The following ATP2B2 variants were observed in gnomAD, a reference collection of about 807,000 sequenced individuals.
ATP2B2 encodes the protein ATPase plasma membrane Ca2+ transporting 2.
In ATP2B2, 15 loss-of-function variants were observed where a neutral mutation model predicts 120.0. That is an observed-to-expected ratio of 0.12 (90% CI 0.08 to 0.19). The LOEUF (loss-of-function observed/expected upper bound fraction) is 0.19, where lower values mean the gene tolerates loss of function less well. ATP2B2 is among the 10% of genes least tolerant of loss of function. The probability of loss-of-function intolerance (pLI) is 1.00; values close to 1 mark genes in which losing one functional copy is unlikely to be tolerated. For missense variants in ATP2B2, 1,045 were observed against 1,719.8 expected, an observed-to-expected ratio of 0.61 and a Z score of 6.94; for synonymous variants, 694 against 700.3, an observed-to-expected ratio of 0.99 and a Z score of 0.14.
rs576733763 is a variant in ATP2B2 at position 10,412,733 on chromosome 3, C to CT, written c.200-1919dup. 5.3e-5 allele frequency among the ~76,000 whole-genome samples: 8 copies of CT among 152,312 alleles called. No homozygotes were observed. In the South Asian group the frequency reaches 1.7e-3, roughly 32 times the overall value. ...CAGTCTGATTCCTGTCCCTCAGGGC[C>CT]TGGCACCTGAAGCCTTACAATTGTC... On this transcript the variant is annotated intron_variant, in intron 2 of 22. Transcript: ENST00000360273.
chr3:10,357,389 C>T (rs1391287482), intron 14 of ATP2B2, among the ~76,000 whole-genome samples: 1 of 152,170 alleles, frequency 6.6e-6, no homozygotes, highest in Non-Finnish European at 1.5e-5. Flanking sequence ...TCTGAGCTCA[C>T]ACTTTGAACC....
At chr3:10,530,439 C>T (rs908769655) in intron 3 of ATP2B2, among the ~76,000 whole-genome samples, 19 of 152,198 alleles carry the variant, frequency 1.2e-4, no homozygotes, top group Non-Finnish European at 1.8e-4. Context: ...AGTGTCCCAC[C>T]GCACCACGCT....
chr3:10,486,328 T>TGTGCGTGTGC (rs149290932), intron 1 of ATP2B2, among the ~76,000 whole-genome samples: 2 of 115,582 alleles, frequency 1.7e-5, no homozygotes, highest in Admixed American at 8.5e-5. Context: ...TGCGTGCGTG[T>TGTGCGTGTGC]GTGTGTGTGT....
In ATP2B2 at chr3:10,444,469, GCTCT is replaced by G. The variant is rs2063770558; in HGVS notation, c.199+4872_199+4875del. ...AAGTACCCGCCATCTCCCATGATCT[GCTCT>G]CTCGTCCTCCCTCAGCCCCGCTCTC... On this transcript the variant is annotated intron_variant, in intron 2 of 22. Transcript: ENST00000360273. Among the ~76,000 whole-genome samples, 4 of 152,298 alleles carry G rather than the reference GCTCT, an allele frequency of 2.6e-5. No individual in the cohort carries two copies. In the South Asian group the frequency reaches 8.3e-4, roughly 32 times the overall value.
In ATP2B2 at chr3:10,375,854, A is replaced by T. The variant is rs891898246; in HGVS notation, c.1202-210T>A. 2.6e-5 allele frequency among the ~76,000 whole-genome samples: 4 copies of T among 152,152 alleles called. No individual in the cohort carries two copies. The highest frequency in any genetic ancestry group is 9.6e-5 in the African/African-American group (4 of 41,454). On this transcript the variant is annotated intron_variant, in intron 10 of 22. Coordinates refer to ENST00000360273, the MANE Select transcript of ATP2B2 (RefSeq NM_001001331.4). The surrounding 1 kb of genome is among the most constrained non-coding windows in gnomAD (Gnocchi z 4.2). ...CTCCTGCTCTGTACAATGGGGATGC[A>T]TACTTCCTCCCCAAGATTTTGTAAG...
chr3:10,467,094 A>C (rs1339286513), intron 1 of ATP2B2, among the ~76,000 whole-genome samples: 4 of 152,182 alleles, frequency 2.6e-5, no homozygotes, highest in Admixed American at 2.6e-4. Context: ...CTACATGCTG[A>C]CTTGTGATAA....
At chr3:10,520,163 C>A (rs112360616) in intron 3 of ATP2B2, among the ~76,000 whole-genome samples, 1 of 152,202 alleles carries the variant, frequency 6.6e-6, no homozygotes, top group Non-Finnish European at 1.5e-5. Flanking sequence ...AGAGAGGTGT[C>A]GGCTGCCTGT....
At chr3:10,436,781 A>G (rs1408590355) in intron 2 of ATP2B2, among the ~76,000 whole-genome samples, 3 of 152,230 alleles carry the variant, frequency 2.0e-5, no homozygotes, top group Non-Finnish European at 4.4e-5. Flanking sequence ...ACATCGGCAC[A>G]CAGGCAGAAA....
At chr3:10,597,455 G>C (rs1039737600) in intron 2 of ATP2B2, among the ~76,000 whole-genome samples, 3 of 152,200 alleles carry the variant, frequency 2.0e-5, no homozygotes, top group Non-Finnish European at 4.4e-5. Context: ...GGAGTTGCAG[G>C]CATGGCAGGG....
chr3:10,489,576 T>C (rs1177767169), intron 1 of ATP2B2, among the ~76,000 whole-genome samples: 7 of 152,172 alleles, frequency 4.6e-5, no homozygotes, highest in Non-Finnish European at 1.0e-4. Flanking sequence ...ACTTCCCTTC[T>C]CACCATCTCT....
intron 12 of ATP2B2, among the ~76,000 whole-genome samples, chr3:10,360,493 T>G (rs1171002766): frequency 6.6e-6 from 1 of 152,172 alleles, no homozygotes; most frequent in Admixed American, 6.5e-5. Context: ...TAAAGTTGAA[T>G]CCCCTCCGCA....
At chr3:10,523,275 C>T (rs2067021846) in intron 3 of ATP2B2, among the ~76,000 whole-genome samples, 1 of 152,186 alleles carries the variant, frequency 6.6e-6, no homozygotes, top group Admixed American at 6.5e-5. Flanking sequence ...AACCAGACAG[C>T]AGTTTTCAAT....
At chr3:10,367,959 G>A (rs1329596650) in intron 12 of ATP2B2, among the ~76,000 whole-genome samples, 1 of 152,228 alleles carries the variant, frequency 6.6e-6, no homozygotes, top group Non-Finnish European at 1.5e-5. Flanking sequence ...GGTGATGAGT[G>A]TTGGGGCTGG....
At chr3:10,609,160 G>A (rs568218262) in intron 2 of ATP2B2, among the ~76,000 whole-genome samples, 28 of 152,310 alleles carry the variant, frequency 1.8e-4, no homozygotes, top group African/African-American at 6.3e-4. Context: ...TCAGGACCCC[G>A]TGGCTCTACT....
At chr3:10,587,896 C>T (rs1159929397) in intron 2 of ATP2B2, among the ~76,000 whole-genome samples, 1 of 152,072 alleles carries the variant, frequency 6.6e-6, no homozygotes, top group African/African-American at 2.4e-5. Context: ...TTTATGTCTT[C>T]CTAATGTTAT....
At chr3:10,492,797 C>T (rs1053970595) in intron 1 of ATP2B2, among the ~76,000 whole-genome samples, 3 of 152,138 alleles carry the variant, frequency 2.0e-5, no homozygotes, top group Admixed American at 6.6e-5. Context: ...GATACCGGGT[C>T]AAGTGTGATG....
intron 1 of ATP2B2, among the ~76,000 whole-genome samples, chr3:10,670,504 G>A (rs1272553710): frequency 1.3e-5 from 2 of 152,120 alleles, no homozygotes; most frequent in African/African-American, 2.4e-5. Flanking sequence ...TGCAGCCTCT[G>A]CCTCCCGGGT....
intron 2 of ATP2B2, among the ~76,000 whole-genome samples, chr3:10,561,802 C>T (rs906295975): frequency 4.6e-5 from 7 of 152,178 alleles, no homozygotes; most frequent in African/African-American, 1.4e-4. Flanking sequence ...TGTGAGGCTT[C>T]CCAGTCATGT....
intron 1 of ATP2B2, among the ~76,000 whole-genome samples, chr3:10,639,606 G>T (rs2070116846): frequency 6.6e-6 from 1 of 152,268 alleles, no homozygotes; most frequent in Middle Eastern, 3.4e-3. Context: ...TTCAACATGG[G>T]AATTTTGAGG....
Sources: gnomAD v4.1 joint callset for allele counts (sites outside exome capture counted in the v4.1 genomes callset) on GRCh38, gnomAD v4.1.1 for gene constraint, Gnocchi (gnomAD v3.1) non-coding constraint, MANE v1.5 for transcripts, NCBI Gene and HGNC (gene_info 2026-07-23, HGNC 2026-07-21) for gene names.